EML5: variants seen among roughly 807,000 people sequenced by gnomAD.
The protein encoded by EML5 is EMAP like 5.
EML5 carries 120 observed loss-of-function variants against 250.0 expected under a neutral mutation model. The observed-to-expected ratio is 0.48, with a 90% confidence interval of 0.41 to 0.56. The LOEUF (loss-of-function observed/expected upper bound fraction) is 0.56, where lower values mean the gene tolerates loss of function less well. Ranked by LOEUF, EML5 falls within the 20% of genes least tolerant of loss-of-function variation. EML5 has a pLI of 0.00. For synonymous variants in EML5, 771 were observed against 806.5 expected, an observed-to-expected ratio of 0.96 and a Z score of 0.75; for missense variants, 2,006 against 2,437.6, an observed-to-expected ratio of 0.82 and a Z score of 3.73.
At chr14:88,738,722 T>C (rs2093882316) in intron 6 of EML5, among the ~76,000 whole-genome samples, 157 bp downstream of exon 6, 1 of 152,126 alleles carries the variant, frequency 6.6e-6, no homozygotes, top group Non-Finnish European at 1.5e-5. Flanking sequence ...AATTTCTCCT[T>C]AATAGAAGAA....
rs758968634 is a variant in EML5 at position 88,759,698 on chromosome 14, A to AAAAAAAAAAAAAAAAAAC, written c.198-5028_198-5027insGTTTTTTTTTTTTTTTTT. ...GTCACCATCTCTTAAAAAAAAAAAA[A>AAAAAAAAAAAAAAAAAAC]AAAAAACTGGGGAGAAAAACTATGC... On this transcript the variant is annotated intron_variant, in intron 1 of 43. Transcript: ENST00000554922. 2.0e-4 allele frequency among the ~76,000 whole-genome samples: 28 copies of AAAAAAAAAAAAAAAAAAC among 142,194 alleles called. 1 individual carries two copies. Among genetic ancestry groups the AAAAAAAAAAAAAAAAAAC allele is most frequent in the African/African-American group, 6.2e-4 (23 of 37,082 alleles). 93.3% of individuals were successfully genotyped at this position (142,194 alleles called of 152,430 possible).
At chr14:88,682,206 T>C (rs2092728019) in intron 20 of EML5, among the ~76,000 whole-genome samples, 175 bp from the exon 21 acceptor site, 1 of 152,180 alleles carries the variant, frequency 6.6e-6, no homozygotes, top group Non-Finnish European at 1.5e-5. Context: ...AAAATACCTC[T>C]GTAACAACTT....
At chr14:88,761,442 C>G (rs2094241695) in intron 1 of EML5, among the ~76,000 whole-genome samples, 1 of 152,170 alleles carries the variant, frequency 6.6e-6, no homozygotes, top group African/African-American at 2.4e-5. Context: ...CAAGTGAGAA[C>G]ATGTGGTGTT....
At chr14:88,763,389 A>T (rs188190248) in intron 1 of EML5, among the ~76,000 whole-genome samples, 1 of 152,234 alleles carries the variant, frequency 6.6e-6, no homozygotes, top group Non-Finnish European at 1.5e-5. Flanking sequence ...TTATGCAAAT[A>T]AACTAGAAAA....
chr14:88,744,095 T>TA lies in EML5; in HGVS notation c.457-5dup. On this transcript the variant is annotated splice_polypyrimidine_tract_variant and splice_region_variant and intron_variant, in intron 3 of 43. Coordinates refer to ENST00000554922, the MANE Select transcript of EML5 (RefSeq NM_183387.3). ...AATCCCAAGAAATATCAAATATCTGTAAACAAATCAGATTCATGATTAAAA... is the reference window on the plus strand; with the variant it reads ...AATCCCAAGAAATATCAAATATCTGTAAAACAAATCAGATTCATGATTAAAA... The TA allele has an allele frequency of 6.4e-7, 1 of 1,551,420 alleles. No individual in the cohort carries two copies. The highest frequency in any genetic ancestry group is 2.3e-5 in the East Asian group (1 of 42,972).
intron 4 of EML5, among the ~76,000 whole-genome samples, chr14:88,742,725 G>A (rs2093941855): frequency 6.6e-6 from 1 of 152,052 alleles, no homozygotes; most frequent in Non-Finnish European, 1.5e-5. Flanking sequence ...TATATCATGT[G>A]CCTTAAAGCC....
At chr14:88,722,964 G>C (rs1303756557) in intron 8 of EML5, among the ~76,000 whole-genome samples, 4 of 152,098 alleles carry the variant, frequency 2.6e-5, no homozygotes, top group African/African-American at 9.7e-5. Flanking sequence ...AGAGATTATA[G>C]AATCTGTATG....
At chr14:88,687,189 C>A (rs2141234843) in intron 19 of EML5, 27 bp downstream of exon 19, 1 of 1,551,056 alleles carries the variant, frequency 6.4e-7, no homozygotes, top group Non-Finnish European at 8.8e-7. Context: ...TTTTCCTATA[C>A]AAAAACCCCA....
chr14:88,639,084 G>C (rs992744818), intron 31 of EML5, among the ~76,000 whole-genome samples, 177 bp from the exon 32 acceptor site: 1 of 152,166 alleles, frequency 6.6e-6, no homozygotes, highest in Non-Finnish European at 1.5e-5. Context: ...TTATGTAATG[G>C]GATAGAGCCG....
intron 6 of EML5, among the ~76,000 whole-genome samples, chr14:88,738,030 A>C (rs1176475353): frequency 6.6e-6 from 1 of 152,092 alleles, no homozygotes; most frequent in African/African-American, 2.4e-5. Context: ...CAGTTTTCTC[A>C]TGTGTGTTAC....
chr14:88,680,755 C>CA (rs910524807), intron 21 of EML5, among the ~76,000 whole-genome samples: 3 of 151,250 alleles, frequency 2.0e-5, no homozygotes, highest in African/African-American at 7.3e-5. Context: ...TATTGTTTTT[C>CA]AAAAAAAAGT....
At chr14:88,691,169 C>T (rs1431633355) in intron 17 of EML5, among the ~76,000 whole-genome samples, 1 of 152,090 alleles carries the variant, frequency 6.6e-6, no homozygotes, top group East Asian at 1.9e-4. Context: ...GAAGGTTGGG[C>T]TCTCCAGGAA....
intron 1 of EML5, among the ~76,000 whole-genome samples, chr14:88,760,252 G>A (rs997512198): frequency 6.6e-6 from 1 of 151,990 alleles, no homozygotes; most frequent in African/African-American, 2.4e-5. Context: ...GATTTCCTCT[G>A]ATATTTTCTA....
intron 26 of EML5, among the ~76,000 whole-genome samples, chr14:88,657,776 G>T (rs1439442977): frequency 6.6e-6 from 1 of 151,994 alleles, no homozygotes; most frequent in Non-Finnish European, 1.5e-5. Flanking sequence ...ATACATCTTA[G>T]GATATACCCC....
chr14:88,762,225 C>G (rs7147796), intron 1 of EML5, among the ~76,000 whole-genome samples: 97,032 of 152,054 alleles, frequency 0.64, 33,001 homozygotes, highest in East Asian at 0.94. Flanking sequence ...CTTACAAAGA[C>G]ACGGGCCATG....
At position 88,658,344 on chromosome 14, in the gene EML5, A is replaced by G; in HGVS notation, c.3720T>C (p.His1240=). 2 of 1,613,858 alleles carry G rather than the reference A, an allele frequency of 1.2e-6. No homozygotes were observed. Among genetic ancestry groups the G allele is most frequent in the Non-Finnish European group, 1.7e-6 (2 of 1,179,780 alleles). Residue 1240 remains histidine (H), a synonymous_variant, in exon 26 of 44, where the codon CAT becomes CAC. Transcript: ENST00000554922. The part of the protein sequence containing the change: ...KFKRYVAHST[H]VTNVRWTYDD... The stretch of plus-strand genomic sequence containing the variant: ...CATAAGTCCAGCGAACATTTGTGAC[A>G]TGTGTACTATGGGCCACATACCTCT...
chr14:88,755,616 T>G (rs1956409), intron 1 of EML5, among the ~76,000 whole-genome samples: 97,238 of 152,004 alleles, frequency 0.64, 33,126 homozygotes, highest in East Asian at 0.94. Flanking sequence ...TACAATATCA[T>G]ATTTGCCCTT....
chr14:88,753,229 C>T lies in EML5; in HGVS notation c.357+1283G>A, dbSNP rs114708598. ...TCTCCTGCAACCTCTCACCTGCATG[C>T]CCCACTCCCACAAGGGGTTTGAGCT... On this transcript the variant is annotated intron_variant, in intron 2 of 43. Coordinates refer to ENST00000554922, the MANE Select transcript of EML5 (RefSeq NM_183387.3). 5.7e-3 allele frequency among the ~76,000 whole-genome samples: 861 copies of T among 152,250 alleles called. 7 individuals are homozygous for T. Among genetic ancestry groups the T allele is most frequent in the African/African-American group, 0.02 (829 of 41,548 alleles).
At chr14:88,663,697 T>A (rs144685681) in intron 23 of EML5, among the ~76,000 whole-genome samples, 32 of 152,038 alleles carry the variant, frequency 2.1e-4, no homozygotes, top group African/African-American at 7.7e-4. Context: ...TTTTTAAAAA[T>A]GTATTTCATT....
Sources: allele counts gnomAD v4.1 joint callset (sites outside exome capture counted in the v4.1 genomes callset), GRCh38; gene constraint gnomAD v4.1.1; transcripts MANE v1.5; gene names NCBI Gene and HGNC (gene_info 2026-07-23, HGNC 2026-07-21).